CDYL: variants seen among roughly 807,000 people sequenced by gnomAD.
CDYL encodes the protein chromodomain Y like.
CDYL carries 8 observed loss-of-function variants against 47.3 expected under a neutral mutation model. The ratio of observed to expected loss-of-function variants is 0.17; its 90% CI spans 0.10 to 0.31. The LOEUF (loss-of-function observed/expected upper bound fraction) is 0.31. Ranked by LOEUF, CDYL falls within the 10% of genes least tolerant of loss-of-function variation. The pLI, the probability that CDYL is intolerant of heterozygous loss-of-function variation, is 1.00. For missense variants in CDYL, 471 were observed against 701.4 expected (o/e 0.67, Z 3.71); for synonymous variants, 266 against 265.0 (o/e 1.00, Z -0.04).
intron 1 of CDYL, among the ~76,000 whole-genome samples, chr6:4,848,297 G>A (rs1157784795): frequency 6.6e-6 from 1 of 152,144 alleles, no homozygotes; most frequent in Non-Finnish European, 1.5e-5. Context: ...CTCCAGTATG[G>A]CAGATTGATT....
At chr6:4,897,554 C>T (rs1272301268) in intron 2 of CDYL, among the ~76,000 whole-genome samples, 1 of 152,152 alleles carries the variant, frequency 6.6e-6, no homozygotes, top group Non-Finnish European at 1.5e-5. Flanking sequence ...GAAGAAGCCC[C>T]AGGGCTTTCT....
intron 2 of CDYL, among the ~76,000 whole-genome samples, chr6:4,920,792 T>G (rs1211251502): frequency 6.6e-6 from 1 of 152,162 alleles, no homozygotes; most frequent in Non-Finnish European, 1.5e-5. Context: ...ATTTTTGCAT[T>G]TTTAGCAGAG....
intron 2 of CDYL, among the ~76,000 whole-genome samples, chr6:4,917,488 C>T (rs1757590600): frequency 6.6e-6 from 1 of 152,160 alleles, no homozygotes; most frequent in African/African-American, 2.4e-5. Context: ...AATACTAATA[C>T]ATTGTAACCA....
chr6:4,713,917 T>C (rs1300735067), intron 1 of CDYL, among the ~76,000 whole-genome samples: 3 of 152,168 alleles, frequency 2.0e-5, no homozygotes, highest in African/African-American at 7.2e-5. Flanking sequence ...TTAACTAATA[T>C]CTAATAGGTA....
chr6:4,827,716 C>T (rs575328599), intron 1 of CDYL, among the ~76,000 whole-genome samples: 13 of 152,276 alleles, frequency 8.5e-5, no homozygotes, highest in African/African-American at 2.9e-4. Context: ...AGCGCAGTGG[C>T]ATGATCTCGG....
chr6:4,795,997 C>T (rs1759061931), intron 1 of CDYL, among the ~76,000 whole-genome samples: 1 of 152,002 alleles, frequency 6.6e-6, no homozygotes, highest in Admixed American at 6.6e-5. Context: ...CTCTGTTGCC[C>T]AGGTTAGAGT....
chr6:4,890,373 C>T (rs1287111892), intron 1 of CDYL, among the ~76,000 whole-genome samples: 2 of 152,186 alleles, frequency 1.3e-5, no homozygotes, highest in Non-Finnish European at 2.9e-5. Context: ...CGCGTGGACT[C>T]GCCCTTGGTG....
At chr6:4,791,091 A>T (rs1351040143) in intron 1 of CDYL, among the ~76,000 whole-genome samples, 1 of 152,248 alleles carries the variant, frequency 6.6e-6, no homozygotes, top group Non-Finnish European at 1.5e-5. Flanking sequence ...TTTGGAGAAT[A>T]CATTAAGGGA....
intron 1 of CDYL, among the ~76,000 whole-genome samples, chr6:4,855,784 A>G (rs1329542591): frequency 3.3e-5 from 5 of 152,188 alleles, no homozygotes; most frequent in Non-Finnish European, 5.9e-5. Context: ...GGCTCGTTTT[A>G]TGAAATGATT....
At chr6:4,776,850 G>T (rs900630151) in intron 1 of CDYL, 43 bp downstream of exon 1, 2 of 681,366 alleles carry the variant, frequency 2.9e-6, no homozygotes, top group Non-Finnish European at 3.5e-6. Context: ...CCCGCCCGCC[G>T]CCCCTCCCGG....
In CDYL at chr6:4,943,659, A is replaced by G. The variant is rs1280448641; in HGVS notation, c.1235A>G (p.Asn412Ser). The G allele has an allele frequency of 6.2e-7, 1 of 1,613,926 alleles. No homozygotes were observed. Among genetic ancestry groups the G allele is most frequent in the African/African-American group, 1.3e-5 (1 of 74,884 alleles). The change falls in exon 5 of 7, where the codon AAT (asparagine) becomes AGT (serine). Residue 412 changes from asparagine (N) to serine (S), a missense_variant. By Grantham distance (46) the Asn-to-Ser change is conservative. Transcript: ENST00000397588. The stretch of plus-strand genomic sequence containing the variant: ...CCTCTTTGCGATGTGGTTTGGGCTA[A>G]TGAAAAGGCTTGGTTTCAAACACCC... ...ILPLCDVVWA[N>S]EKAWFQTPYT...
chr6:4,900,779 G>GTGTGTATACATATATATATATA, intron 2 of CDYL, among the ~76,000 whole-genome samples: 1 of 51,706 alleles, frequency 1.9e-5, no homozygotes, highest in African/African-American at 6.3e-5. Flanking sequence ...GTATACGTGT[G>GTGTGTATACATATATATATATA]TATATATATA....
At position 4,711,426 on chromosome 6, in the gene CDYL, G is replaced by A. The variant is rs191849412; in HGVS notation, c.-38-4315G>A. ...TCTCCTCTGATTCCCCCTCAGGAGC[G>A]ACAGAAGGCCCTTTACCCTCACCTT... On this transcript the variant is annotated intron_variant, in intron 1 of 8. Coordinates refer to the CDYL transcript ENST00000328908. Among the ~76,000 whole-genome samples the A allele has an allele frequency of 2.0e-5, 3 of 152,280 alleles. 1 individual carries two copies. The highest frequency in any genetic ancestry group is 4.2e-4 in the South Asian group (2 of 4,812).
intron 1 of CDYL, among the ~76,000 whole-genome samples, chr6:4,794,090 A>G (rs1192672584): frequency 6.6e-6 from 1 of 152,140 alleles, no homozygotes; most frequent in African/African-American, 2.4e-5. Context: ...CTTGGTTCTT[A>G]GAGCCATGAG....
chr6:4,717,703 CAAAAAAAAAAAA>C (rs200835710), intron 2 of CDYL, among the ~76,000 whole-genome samples: 51 of 49,346 alleles, frequency 1.0e-3, no homozygotes, highest in African/African-American at 3.5e-3. Context: ...AAGACCCTCA[CAAAAAAAAAAAA>C]AAAAAAAAAA....
At chr6:4,944,229 A>C (rs1339923249) in intron 5 of CDYL, among the ~76,000 whole-genome samples, 1 of 152,220 alleles carries the variant, frequency 6.6e-6, no homozygotes, top group East Asian at 1.9e-4. Flanking sequence ...GCAGTTATTC[A>C]CATCTCATTC....
chr6:4,901,914 T>C (rs1757066604), intron 2 of CDYL, among the ~76,000 whole-genome samples: 1 of 152,114 alleles, frequency 6.6e-6, no homozygotes, highest in South Asian at 2.1e-4. Flanking sequence ...CAGGCCATCC[T>C]TCCCGCATGG....
chr6:4,867,502 TA>T (rs1426184579), intron 1 of CDYL, among the ~76,000 whole-genome samples: 1 of 152,128 alleles, frequency 6.6e-6, no homozygotes, highest in Admixed American at 6.5e-5. Context: ...CTTTTATTTC[TA>T]ATTTGTTGAG....
intron 1 of CDYL, among the ~76,000 whole-genome samples, chr6:4,871,912 G>C (rs567625658): frequency 8.5e-4 from 130 of 152,302 alleles, no homozygotes; most frequent in African/African-American, 2.6e-3. Context: ...AGCCTGCATC[G>C]TGAGGTTGGA....
Sources: gnomAD v4.1 joint callset for allele counts (sites outside exome capture counted in the v4.1 genomes callset) on GRCh38, gnomAD v4.1.1 for gene constraint, MANE v1.5 for transcripts, NCBI Gene and HGNC (gene_info 2026-07-23, HGNC 2026-07-21) for gene names.